The following ANKRD27 variants were observed in gnomAD, a reference collection of about 807,000 sequenced individuals.
ANKRD27 encodes ankyrin repeat domain-containing protein 27.
A neutral mutation model predicts 129.7 loss-of-function variants in ANKRD27; 112 were observed. The observed-to-expected ratio is 0.86, with a 90% CI of 0.74 to 1.01. The LOEUF is 1.01. Among genes scored for constraint, ANKRD27 ranks in the 50% least tolerant of loss-of-function variants. The pLI is 0.00. For synonymous variants in ANKRD27, 516 were observed against 511.2 expected, an observed-to-expected ratio of 1.01 and a Z score of -0.13; for missense variants, 1,258 against 1,300.5, an observed-to-expected ratio of 0.97 and a Z score of 0.50.
At position 32,622,558 on chromosome 19, in the gene ANKRD27, T is replaced by G. The variant is rs1447492269; in HGVS notation, c.1691A>C (p.Lys564Thr). 3 of 1,614,016 alleles carry G rather than the reference T, an allele frequency of 1.9e-6. No individual in the cohort carries two copies. The highest frequency in any genetic ancestry group is 2.7e-5 in the African/African-American group (2 of 75,002). ...ESCRLDIGNE[K>T]GDTPLHIAAR... ...AGCAATGTGTAGAGGGGTGTCTCCTTTCTCATTGCCAATGTCAAGTCTGCA... is the reference window on the plus strand; with the variant it reads ...AGCAATGTGTAGAGGGGTGTCTCCTGTCTCATTGCCAATGTCAAGTCTGCA... Residue 564 changes from lysine (K) to threonine (T), a missense_variant, in exon 18 of 29, where the codon AAA becomes ACA. By Grantham distance (78) the Lys-to-Thr change is moderately conservative (BLOSUM62 -1). Coordinates refer to ENST00000306065, the MANE Select transcript of ANKRD27 (RefSeq NM_032139.3).
rs928911418 is a variant in ANKRD27, at chr19:32,598,090, T to G, written c.*55A>C. On this transcript the variant is annotated 3_prime_UTR_variant, in exon 29 of 29. Transcript: ENST00000306065. ...TTCTCAGATGTGTTCACGCTCAGCATCATCTTGTTGCATCCTTGCTTCCTA... is the reference window on the plus strand; with the variant it reads ...TTCTCAGATGTGTTCACGCTCAGCAGCATCTTGTTGCATCCTTGCTTCCTA... 2.0e-6 allele frequency: 3 copies of G among 1,519,456 alleles called. No homozygotes were observed. Among genetic ancestry groups the G allele is most frequent in the South Asian group, 1.1e-5 (1 of 88,942 alleles). The allele number at this position is 1,519,456 out of a possible 1,614,324, so 94.1% of individuals were successfully genotyped here. A position where few individuals can be genotyped will look rare whatever the true frequency, so the allele number is the denominator to read the frequency against.
chr19:32,629,708 AAAAC>A (rs1419121788), intron 13 of ANKRD27, among the ~76,000 whole-genome samples: 8 of 152,004 alleles, frequency 5.3e-5, no homozygotes, highest in South Asian at 2.1e-4. Context: ...ACAAAAAATA[AAAAC>A]AAACAAACAA....
chr19:32,663,925 G>A (rs111580498), intron 1 of ANKRD27, among the ~76,000 whole-genome samples: 5,953 of 149,674 alleles, frequency 0.04, 173 homozygotes, highest in Non-Finnish European at 0.06. Flanking sequence ...GCGTAGTGGC[G>A]GGCGCCTGTA....
intron 26 of ANKRD27, 31 bp downstream of exon 26, chr19:32,601,984 T>C: frequency 7.1e-7 from 1 of 1,413,634 alleles, no homozygotes; most frequent in South Asian, 1.2e-5. Context: ...ATACCCAACT[T>C]GAGCGTGACA....
chr19:32,667,884 C>A (rs1247168735), intron 1 of ANKRD27, among the ~76,000 whole-genome samples: 4 of 151,240 alleles, frequency 2.6e-5, no homozygotes, highest in Non-Finnish European at 4.4e-5. Context: ...GGGGCCTTCT[C>A]TCTTCATTAA....
chr19:32,666,889 C>T (rs758892652), intron 1 of ANKRD27, among the ~76,000 whole-genome samples: 4 of 151,942 alleles, frequency 2.6e-5, no homozygotes, highest in Admixed American at 2.0e-4. Context: ...TCAAGTGATC[C>T]GCCCACCTCG....
chr19:32,651,302 G>C (rs1967411533), intron 2 of ANKRD27, among the ~76,000 whole-genome samples: 1 of 152,134 alleles, frequency 6.6e-6, no homozygotes, highest in African/African-American at 2.4e-5. Flanking sequence ...GCTGCAGCAT[G>C]AAGGACTCAC....
chr19:32,633,645 C>CT (rs991071885), intron 12 of ANKRD27, among the ~76,000 whole-genome samples: 2 of 151,818 alleles, frequency 1.3e-5, no homozygotes, highest in Non-Finnish European at 2.9e-5. Flanking sequence ...AAAGTTCTCT[C>CT]TTTTTTTCAT....
intron 13 of ANKRD27, 75 bp from the exon 14 acceptor site, chr19:32,628,924 C>T (rs1966940447): frequency 6.4e-7 from 1 of 1,571,252 alleles, no homozygotes; most frequent in African/African-American, 1.4e-5. Context: ...TTTGAGAGTC[C>T]TTTTTGGTTT....
chr19:32,611,954 G>A (rs1319964589), intron 22 of ANKRD27, among the ~76,000 whole-genome samples: 1 of 152,126 alleles, frequency 6.6e-6, no homozygotes, highest in Non-Finnish European at 1.5e-5. Flanking sequence ...GGCCAGGCTG[G>A]TCTCAAACTC....
intron 5 of ANKRD27, 58 bp from the exon 6 acceptor site, chr19:32,643,689 A>T: frequency 1.3e-6 from 2 of 1,581,526 alleles, no homozygotes; most frequent in Non-Finnish European, 1.7e-6. Context: ...ATGACGGGGG[A>T]GCCGGAGCGG....
At chr19:32,643,697 C>A in intron 5 of ANKRD27, 66 bp from the exon 6 acceptor site, 1 of 1,531,808 alleles carries the variant, frequency 6.5e-7, no homozygotes, top group Non-Finnish European at 9.0e-7. Context: ...GGAGCCGGAG[C>A]GGGTAAGGCG....
chr19:32,643,063 C>T lies in ANKRD27; in HGVS notation c.782+60G>A, dbSNP rs148120623. 546 of 1,554,798 alleles carry T rather than the reference C, an allele frequency of 3.5e-4. 1 individual carries two copies. The African/African-American group carries it at 5.7e-3, about 16-fold the overall frequency. ...CTCTGCCACCGAGAGGGCCTGCTTC[C>T]GGGAGAAGACAGCACCCCTGCCTCT... On this transcript the variant is annotated intron_variant, in intron 9 of 28. Coordinates refer to ENST00000306065, the MANE Select transcript of ANKRD27 (RefSeq NM_032139.3).
At chr19:32,663,950 G>C (rs1470206644) in intron 1 of ANKRD27, among the ~76,000 whole-genome samples, 3 of 148,978 alleles carry the variant, frequency 2.0e-5, no homozygotes, top group Non-Finnish European at 3.0e-5. Context: ...CAGCTACTTG[G>C]GAGGCTGAGG....
chr19:32,651,651 T>C (rs1967419074), intron 2 of ANKRD27, among the ~76,000 whole-genome samples: 2 of 152,262 alleles, frequency 1.3e-5, no homozygotes, highest in Admixed American at 6.5e-5. Context: ...ATTACAGGTG[T>C]GAGCCACCAC....
chr19:32,631,593 C>T (rs1341101672), intron 12 of ANKRD27, 99 bp from the exon 13 acceptor site: 9 of 912,420 alleles, frequency 9.9e-6, no homozygotes, highest in South Asian at 2.7e-5. Flanking sequence ...AGAGCAGTAT[C>T]GGCTGCGCCT....
Position 32,669,600 on chromosome 19 carries a change from G to A in ANKRD27, c.-31+5471C>T, listed in dbSNP as rs1365609215. ...GCGCTCCTTCTGCTTCAGAAAAGAT[G>A]CTGGAGGAACACCAATACTTCCACC... On this transcript the variant is annotated intron_variant, in intron 1 of 28. Coordinates refer to ENST00000306065, the MANE Select transcript of ANKRD27 (RefSeq NM_032139.3). 2.6e-5 allele frequency among the ~76,000 whole-genome samples: 4 copies of A among 152,202 alleles called. No individual in the cohort carries two copies. In the East Asian group the frequency reaches 7.7e-4, roughly 29 times the overall value.
intron 2 of ANKRD27, among the ~76,000 whole-genome samples, 182 bp downstream of exon 2, chr19:32,658,732 C>G (rs1967590586): frequency 6.6e-6 from 1 of 152,196 alleles, no homozygotes; most frequent in African/African-American, 2.4e-5. Context: ...ACTGCAGTCC[C>G]AGAAGGCTTC....
In ANKRD27 at chr19:32,607,767, C is replaced by T. The variant is rs1200436621; in HGVS notation, c.2241G>A (p.Pro747=). The change falls in exon 23 of 29, where the codon CCG becomes CCA. Residue 747 remains proline, a synonymous_variant. Transcript: ENST00000306065. ...VNVTSQDGSS[P]LHVAALHGRA... is the part of the protein sequence containing the mutation. ...GGCCGTGCAGGGCGGCGACATGCAG[C>T]GGGGAGGAGCCGTCCTGGCTGGTCA... 1.4e-5 allele frequency: 22 copies of T among 1,612,526 alleles called. No individual in the cohort carries two copies. The highest frequency in any genetic ancestry group is 9.3e-5 in the African/African-American group (7 of 75,008).
Sources: allele counts gnomAD v4.1 joint callset (sites outside exome capture counted in the v4.1 genomes callset), GRCh38; gene constraint gnomAD v4.1.1; transcripts MANE v1.5; gene names NCBI Gene and HGNC (gene_info 2026-07-23, HGNC 2026-07-21).